NBEAL1: variants seen among roughly 807,000 people sequenced by gnomAD.
The protein encoded by NBEAL1 is neurobeachin-like protein 1.
In NBEAL1, 273 loss-of-function variants were observed where a neutral mutation model predicts 351.3. The observed-to-expected ratio is 0.78, with a 90% CI of 0.70 to 0.86. NBEAL1 has a LOEUF of 0.86. Among genes scored for constraint, NBEAL1 ranks in the 40% least tolerant of loss-of-function variants. The pLI is 0.00. For synonymous variants in NBEAL1, 1,050 were observed against 1,086.4 expected (o/e 0.97, Z 0.66); for missense variants, 2,961 against 3,201.3 (o/e 0.92, Z 1.81).
At chr2:203,085,502 A>G (rs1290845447) in intron 10 of NBEAL1, 1 of 152,236 alleles carries the variant, frequency 6.6e-6, no homozygotes, top group Non-Finnish European at 1.5e-5. Context: ...CATAATGACT[A>G]CTTTATAAAT....
chr2:203,067,542 A>G (rs1185544148), intron 6 of NBEAL1, among the ~76,000 whole-genome samples: 1 of 152,216 alleles, frequency 6.6e-6, no homozygotes, highest in East Asian at 1.9e-4. Context: ...CAATAGCTCA[A>G]TTATGGTCAT....
chr2:203,069,452 C>T (rs2061645150), intron 7 of NBEAL1, among the ~76,000 whole-genome samples: 1 of 152,140 alleles, frequency 6.6e-6, no homozygotes, highest in African/African-American at 2.4e-5. Context: ...TGTTTCTATT[C>T]ATCAGGAGTC....
chr2:203,048,546 G>A (rs1033235903), intron 3 of NBEAL1, among the ~76,000 whole-genome samples: 1 of 152,064 alleles, frequency 6.6e-6, no homozygotes, highest in African/African-American at 2.4e-5. Flanking sequence ...TACATCTCTT[G>A]TGCTCATCTG....
chr2:203,119,151 G>A (rs1053446103), intron 18 of NBEAL1, among the ~76,000 whole-genome samples: 2 of 151,636 alleles, frequency 1.3e-5, no homozygotes, highest in African/African-American at 2.4e-5. Context: ...AAATAAATTT[G>A]GGGGACTGTT....
Position 203,224,982 on chromosome 2 carries a change from T to A in NBEAL1, c.*7628T>A, listed in dbSNP as rs1006224949. Among the ~76,000 whole-genome samples, 1 of 152,220 alleles carries A rather than the reference T, an allele frequency of 6.6e-6. No homozygotes were observed. Among genetic ancestry groups the A allele is most frequent in the Non-Finnish European group, 1.5e-5 (1 of 68,022 alleles). On this transcript the variant is annotated 3_prime_UTR_variant, in exon 56 of 56. Coordinates refer to ENST00000683969, the MANE Select transcript of NBEAL1 (RefSeq NM_001378026.1). Reference sequence around the variant, plus strand: ...GTTTTATTACATTAAGTGCTATTTTTAAAAAATTCATTGTGTGTATATGAG... The same window carrying A: ...GTTTTATTACATTAAGTGCTATTTTAAAAAAATTCATTGTGTGTATATGAG...
At position 203,157,807 on chromosome 2, in the gene NBEAL1, T is replaced by C. The variant is rs1254809016; in HGVS notation, c.5696T>C (p.Ile1899Thr). ...AAATTAGACCTTCCTGAAGAGGATATAACAGCTAGAGTAAATGTGTATGTA... is the reference window on the plus strand; with the variant it reads ...AAATTAGACCTTCCTGAAGAGGATACAACAGCTAGAGTAAATGTGTATGTA... Reference protein sequence around the residue: ...EDKLDLPEEDITARVNVDEKE... With the variant: ...EDKLDLPEEDTTARVNVDEKE... The change falls in exon 36 of 56, where the codon ATA becomes ACA. Residue 1899 changes from isoleucine to threonine, a missense_variant. Transcript: ENST00000683969. 2 of 1,570,874 alleles carry C rather than the reference T, an allele frequency of 1.3e-6. No individual in the cohort carries two copies. Among genetic ancestry groups the C allele is most frequent in the Non-Finnish European group, 1.7e-6 (2 of 1,161,698 alleles).
rs112899625 is a variant in NBEAL1, at chr2:203,123,629, C to T, written c.2682+1286C>T. 4.4e-3 allele frequency among the ~76,000 whole-genome samples: 671 copies of T among 152,176 alleles called. 4 individuals are homozygous for T. The highest frequency in any genetic ancestry group is 0.015 in the African/African-American group (643 of 41,538). On this transcript the variant is annotated intron_variant, in intron 19 of 55. Coordinates refer to ENST00000683969, the MANE Select transcript of NBEAL1 (RefSeq NM_001378026.1). ...GATTACAGGCGTGAGCCACCATGCCCGGCCAGAACACTTTTTTTTATCTGT... is the reference window on the plus strand; with the variant it reads ...GATTACAGGCGTGAGCCACCATGCCTGGCCAGAACACTTTTTTTTATCTGT...
rs1235968136 is a variant in NBEAL1, at chr2:203,218,346, A to G, written c.*992A>G. ...TATATAGTGTTAAATGTTGTGGTTGATTATTAAGATCTTAAAGTAAAAGTC... is the reference window on the plus strand; with the variant it reads ...TATATAGTGTTAAATGTTGTGGTTGGTTATTAAGATCTTAAAGTAAAAGTC... On this transcript the variant is annotated 3_prime_UTR_variant, in exon 56 of 56. Transcript: ENST00000683969. The G allele has an allele frequency of 6.6e-6, 1 of 152,062 alleles. No homozygotes were observed. Among genetic ancestry groups the G allele is most frequent in the African/African-American group, 2.4e-5 (1 of 41,416 alleles). The allele number at this position is 152,062 out of a possible 1,614,324, so 9.4% of individuals were successfully genotyped here. A position where few individuals can be genotyped will look rare whatever the true frequency, so the allele number is the denominator to read the frequency against.
At position 203,213,517 on chromosome 2, in the gene NBEAL1, G is replaced by T. The variant is rs56735573; in HGVS notation, c.7935-1G>T. ...GTCTGTATTTTTTATTTCTTTTCTAGCTTGAATCTCAGCATCAACCCATTA... is the reference window on the plus strand; with the variant it reads ...GTCTGTATTTTTTATTTCTTTTCTATCTTGAATCTCAGCATCAACCCATTA... On this transcript the variant is annotated splice_acceptor_variant, in intron 54 of 55. Coordinates refer to ENST00000683969, the MANE Select transcript of NBEAL1 (RefSeq NM_001378026.1). LOFTEE classifies it high-confidence loss of function. The T allele has an allele frequency of 6.2e-7, 1 of 1,606,782 alleles. No individual in the cohort carries two copies. The highest frequency in any genetic ancestry group is 2.2e-5 in the East Asian group (1 of 44,700).
chr2:203,110,312 C>A, intron 15 of NBEAL1, 30 bp downstream of exon 15: 1 of 1,533,912 alleles, frequency 6.5e-7, no homozygotes, highest in South Asian at 1.2e-5. Flanking sequence ...CATTTAACTT[C>A]TAGTATGGTT....
At chr2:203,142,531 T>C (rs1015834883) in intron 31 of NBEAL1, among the ~76,000 whole-genome samples, 15 of 152,134 alleles carry the variant, frequency 9.9e-5, no homozygotes, top group African/African-American at 3.1e-4. Context: ...AAGAAAGCAA[T>C]ATATGTATGT....
intron 2 of NBEAL1, among the ~76,000 whole-genome samples, chr2:203,041,052 A>G (rs1450498208): frequency 1.3e-5 from 2 of 152,220 alleles, no homozygotes; most frequent in Non-Finnish European, 1.5e-5. Flanking sequence ...GTTCATGGCA[A>G]GCACCTCTCA....
intron 2 of NBEAL1, among the ~76,000 whole-genome samples, chr2:203,035,957 A>G (rs923001502): frequency 1.3e-5 from 2 of 149,384 alleles, no homozygotes; most frequent in African/African-American, 4.9e-5. Context: ...AATTTTCACA[A>G]CAGTCCTGTG....
At chr2:203,151,853 T>C (rs935344740) in intron 35 of NBEAL1, among the ~76,000 whole-genome samples, 5 of 152,214 alleles carry the variant, frequency 3.3e-5, no homozygotes, top group Non-Finnish European at 5.9e-5. Context: ...TCAACTGTTA[T>C]GTCTCTTGCA....
chr2:203,132,593 A>G (rs1048697452), intron 26 of NBEAL1, among the ~76,000 whole-genome samples: 2 of 152,084 alleles, frequency 1.3e-5, no homozygotes, highest in Admixed American at 6.6e-5. Flanking sequence ...CTGTAGCCTC[A>G]TACTGGATGC....
chr2:203,113,198 T>A lies in NBEAL1; in HGVS notation c.2386T>A (p.Ser796Thr), dbSNP rs1383096328. The part of the protein sequence containing the change: ...EKSKLITKLI[S>T]AGTQDSEWGC... ...ATCAAAATTGATTACCAAATTGATA[T>A]CAGCTGGAACCCAAGACAGTGAATG... Residue 796 changes from serine to threonine, a missense_variant, in exon 17 of 56, where the codon TCA becomes ACA. Coordinates refer to ENST00000683969, the MANE Select transcript of NBEAL1 (RefSeq NM_001378026.1). 1.3e-6 allele frequency: 2 copies of A among 1,550,662 alleles called. No homozygotes were observed. The highest frequency in any genetic ancestry group is 1.7e-6 in the Non-Finnish European group (2 of 1,146,274).
intron 18 of NBEAL1, among the ~76,000 whole-genome samples, chr2:203,119,002 T>C (rs2062762904): frequency 6.6e-6 from 1 of 151,908 alleles, no homozygotes; most frequent in Non-Finnish European, 1.5e-5. Flanking sequence ...TAAAAAATTC[T>C]ATACTACCAA....
At chr2:203,050,844 T>C (rs890395487) in intron 4 of NBEAL1, among the ~76,000 whole-genome samples, 3 of 152,188 alleles carry the variant, frequency 2.0e-5, no homozygotes, top group African/African-American at 7.2e-5. Context: ...TTAGGGGCAC[T>C]GCATATAAGA....
At position 203,074,317 on chromosome 2, in the gene NBEAL1, CTTTTTTTTTTT is replaced by C. The variant is rs56217945; in HGVS notation, c.599-3420_599-3410del. Among the ~76,000 whole-genome samples the C allele has an allele frequency of 1.1e-3, 107 of 98,296 alleles. 1 individual carries two copies. The highest frequency in any genetic ancestry group is 3.6e-3 in the African/African-American group (91 of 25,268). 64.5% of individuals were successfully genotyped at this position (98,296 alleles called of 152,430 possible). A position where few individuals can be genotyped will look rare whatever the true frequency, so the allele number is the denominator to read the frequency against. On this transcript the variant is annotated intron_variant, in intron 7 of 55. Coordinates refer to ENST00000683969, the MANE Select transcript of NBEAL1 (RefSeq NM_001378026.1). ...GTTTACAGATCCTTTTTTCTTTCTT[CTTTTTTTTTTT>C]TTTTTTTTTTTTTTGACATGGGGTC...
Sources: gnomAD v4.1 joint callset for allele counts (sites outside exome capture counted in the v4.1 genomes callset) on GRCh38, gnomAD v4.1.1 for gene constraint, MANE v1.5 for transcripts, NCBI Gene and HGNC (gene_info 2026-07-23, HGNC 2026-07-21) for gene names.